MAPKBP1: variants seen among roughly 807,000 people sequenced by gnomAD.
MAPKBP1 encodes the protein mitogen-activated protein kinase-binding protein 1.
Under a neutral mutation model 170.5 loss-of-function variants are expected in MAPKBP1, and 71 were observed. The observed-to-expected ratio is 0.42, with a 90% CI of 0.34 to 0.51. The LOEUF (loss-of-function observed/expected upper bound fraction) is 0.51. MAPKBP1 is among the 20% of genes least tolerant of loss of function. The pLI is 0.06. For missense variants in MAPKBP1, 1,598 were observed against 1,933.0 expected (o/e 0.83, Z 3.25); for synonymous variants, 719 against 757.9 (o/e 0.95, Z 0.84).
intron 5 of MAPKBP1, chr15:41,811,468 G>A: frequency 1.4e-6 from 1 of 695,682 alleles, no homozygotes; most frequent in Non-Finnish European, 2.6e-6. Context: ...TGATTCTGTA[G>A]GTCTGGGATG....
At chr15:41,789,465 CTG>C (rs2064357674) in intron 2 of MAPKBP1, among the ~76,000 whole-genome samples, 1 of 152,168 alleles carries the variant, frequency 6.6e-6, no homozygotes, top group Admixed American at 6.5e-5. Flanking sequence ...GTGCTGATGA[CTG>C]TACTATTAAT....
chr15:41,775,761 A>G (rs1236823797), intron 2 of MAPKBP1, among the ~76,000 whole-genome samples: 2 of 152,226 alleles, frequency 1.3e-5, no homozygotes, highest in African/African-American at 4.8e-5. Context: ...ATGTAGCTGC[A>G]GGTGTTAACG....
intron 2 of MAPKBP1, among the ~76,000 whole-genome samples, chr15:41,776,996 G>A (rs886581867): frequency 1.3e-5 from 2 of 152,280 alleles, no homozygotes; most frequent in Middle Eastern, 3.4e-3. Flanking sequence ...GTATGTGTAC[G>A]TTGTTAATGG....
intron 2 of MAPKBP1, among the ~76,000 whole-genome samples, chr15:41,776,838 A>G (rs544290968): frequency 6.6e-6 from 1 of 152,338 alleles, no homozygotes; most frequent in African/African-American, 2.4e-5. Context: ...AATATCATCC[A>G]TTATTAATGC....
In MAPKBP1 at chr15:41,824,548, G is replaced by A. The variant is rs1466477958; in HGVS notation, c.4278G>A (p.Gln1426=). Residue 1426 remains glutamine (Q), a synonymous_variant, in exon 30 of 31, where the codon CAG becomes CAA. Coordinates refer to ENST00000457542, the MANE Select transcript of MAPKBP1 (RefSeq NM_014994.3). ...LVAELRGSVR[Q]AVRLYHSVAG... is the part of the protein sequence containing the mutation. ...CAGAGCTCCGCGGCAGCGTGCGCCA[G>A]GCAGTGCGGCTCTACCACTCGGTGG... 2 of 1,600,342 alleles carry A rather than the reference G, an allele frequency of 1.2e-6. No homozygotes were observed. The highest frequency in any genetic ancestry group is 1.3e-5 in the African/African-American group (1 of 74,818).
chr15:41,808,695 C>T (rs1320342946), intron 3 of MAPKBP1, among the ~76,000 whole-genome samples: 3 of 151,202 alleles, frequency 2.0e-5, no homozygotes, highest in Non-Finnish European at 2.9e-5. Context: ...AGCCTGATCT[C>T]GAACTCCTGA....
At position 41,818,353 on chromosome 15, in the gene MAPKBP1, CTGAG is replaced by C. The variant is rs1210282754; in HGVS notation, c.2092+54_2092+57del. Reference sequence around the variant, plus strand: ...AGTAGAAGCTGATACCTGCGTAAACCTGAGTGAGTTCCACCCCTGGAACTTCACT... The same window carrying C: ...AGTAGAAGCTGATACCTGCGTAAACCTGAGTTCCACCCCTGGAACTTCACT... On this transcript the variant is annotated intron_variant, in intron 18 of 30. Coordinates refer to ENST00000457542, the MANE Select transcript of MAPKBP1 (RefSeq NM_014994.3). The surrounding 1 kb of genome is among the most constrained non-coding windows in gnomAD (Gnocchi z 5.2). 1 of 1,520,324 alleles carries C rather than the reference CTGAG, an allele frequency of 6.6e-7. No individual in the cohort carries two copies. The allele number at this position is 1,520,324 out of a possible 1,614,324, so 94.2% of individuals were successfully genotyped here.
At position 41,818,700 on chromosome 15, in the gene MAPKBP1, G is replaced by C. The variant is rs1407774858; in HGVS notation, c.2156+118G>C. On this transcript the variant is annotated intron_variant, in intron 19 of 30. Transcript: ENST00000457542. This position sits in a 1 kb window ranked among gnomAD's most constrained non-coding sequence, Gnocchi z 5.2. Reference sequence around the variant, plus strand: ...AGTGGGGTTAACAGGGATAGCTTTTGGCTGTGCTTGACCTGAAGTGGAGGG... The same window carrying C: ...AGTGGGGTTAACAGGGATAGCTTTTCGCTGTGCTTGACCTGAAGTGGAGGG... 1.3e-6 allele frequency: 2 copies of C among 1,511,194 alleles called. No homozygotes were observed. Among genetic ancestry groups the C allele is most frequent in the Non-Finnish European group, 1.8e-6 (2 of 1,108,310 alleles). The allele number at this position is 1,511,194 out of a possible 1,614,324, so 93.6% of individuals were successfully genotyped here.
In MAPKBP1 at chr15:41,814,707, C is replaced by G; in HGVS notation, c.1138C>G (p.Leu380Val). ...PKKVGKVYSA[L>V]YHSSCVWSVE... ...GAAAGTGGGCAAGGTGTACTCGGCT[C>G]TGTATCATTCTTCCTGCGTCTGGAG... Residue 380 changes from leucine (L) to valine (V), a missense_variant, in exon 10 of 31, where the codon CTG becomes GTG. Physicochemically the swap from Leu to Val is conservative, Grantham distance 32. This residue lies in a region of MAPKBP1 where 430 missense variants were observed against 617.2 expected (regional missense o/e 0.70). Coordinates refer to ENST00000457542, the MANE Select transcript of MAPKBP1 (RefSeq NM_014994.3). 1.2e-6 allele frequency: 2 copies of G among 1,614,196 alleles called. No homozygotes were observed. Among genetic ancestry groups the G allele is most frequent in the Non-Finnish European group, 1.7e-6 (2 of 1,180,038 alleles).
In MAPKBP1 at chr15:41,827,848, T is replaced by G; in HGVS notation, c.*2412T>G. The G allele has an allele frequency of 2.4e-6, 1 of 419,178 alleles. No individual in the cohort carries two copies. The allele number at this position is 419,178 out of a possible 1,614,324, so 26.0% of individuals were successfully genotyped here. On this transcript the variant is annotated 3_prime_UTR_variant, in exon 31 of 31. Coordinates refer to ENST00000457542, the MANE Select transcript of MAPKBP1 (RefSeq NM_014994.3). ...ATGAACTTGTCAATAAACACAATTG[T>G]TTGTTAACCCTGGGATGCCGGCCAG...
intron 29 of MAPKBP1, 24 bp downstream of exon 29, chr15:41,824,085 A>G (rs751529222): frequency 6.4e-7 from 1 of 1,573,944 alleles, no homozygotes; most frequent in South Asian, 1.1e-5. Flanking sequence ...CCCAGCTCTC[A>G]TCTCCTGCCC....
chr15:41,777,751 G>A (rs1037881956), intron 2 of MAPKBP1, among the ~76,000 whole-genome samples: 2 of 152,210 alleles, frequency 1.3e-5, no homozygotes, highest in South Asian at 2.1e-4. Context: ...TAAGCTCTGT[G>A]AGTTGCTCTA....
intron 12 of MAPKBP1, chr15:41,816,279 G>A (rs1268825834): frequency 2.2e-6 from 1 of 459,538 alleles, no homozygotes; most frequent in Non-Finnish European, 3.9e-6. Context: ...AAAGGACATA[G>A]TAGGAAAACT....
At chr15:41,790,730 C>G (rs1042487350) in intron 2 of MAPKBP1, among the ~76,000 whole-genome samples, 2 of 152,138 alleles carry the variant, frequency 1.3e-5, no homozygotes, top group African/African-American at 4.8e-5. Context: ...TGGGTAGAGA[C>G]CAGGAGCAGA....
At chr15:41,795,729 C>T (rs1279803619) in intron 2 of MAPKBP1, among the ~76,000 whole-genome samples, 1 of 152,186 alleles carries the variant, frequency 6.6e-6, no homozygotes, top group Non-Finnish European at 1.5e-5. Flanking sequence ...GCCTCAGCCT[C>T]CCCAGCAGCT....
intron 7 of MAPKBP1, 52 bp from the exon 8 acceptor site, chr15:41,812,867 C>T: frequency 1.9e-6 from 3 of 1,541,428 alleles, no homozygotes; most frequent in South Asian, 2.5e-5. Flanking sequence ...GCCCAGTTTC[C>T]AGGGGCAGGC....
Position 41,817,951 on chromosome 15 carries a change from C to A in MAPKBP1, c.1905-58C>A. On this transcript the variant is annotated intron_variant, in intron 16 of 30. Transcript: ENST00000457542. The surrounding 1 kb of genome is among the most constrained non-coding windows in gnomAD (Gnocchi z 4.2). ...GGAGTGAAAGCTGGCATTTCCATCC[C>A]CCAGGCGTGTTCCACCTTCACCGCC... is the stretch of plus-strand genomic sequence containing the variant. 2 of 1,572,174 alleles carry A rather than the reference C, an allele frequency of 1.3e-6. No homozygotes were observed. The highest frequency in any genetic ancestry group is 1.1e-5 in the South Asian group (1 of 89,964).
At position 41,815,814 on chromosome 15, in the gene MAPKBP1, T is replaced by G. The variant is rs1244514613; in HGVS notation, c.1493+15T>G. 6.2e-7 allele frequency: 1 copy of G among 1,608,108 alleles called. No homozygotes were observed. The highest frequency in any genetic ancestry group is 1.7e-5 in the Admixed American group (1 of 59,906). On this transcript the variant is annotated intron_variant, in intron 12 of 30. Transcript: ENST00000457542. Reference sequence around the variant, plus strand: ...GGCACACTTAGGTAATGCCAGGCCCTGGGTGGGTACTGACTGCCTCTCATG... The same window carrying G: ...GGCACACTTAGGTAATGCCAGGCCCGGGGTGGGTACTGACTGCCTCTCATG...
chr15:41,817,972 C>T lies in MAPKBP1; in HGVS notation c.1905-37C>T, dbSNP rs1348978820. 5 of 1,599,978 alleles carry T rather than the reference C, an allele frequency of 3.1e-6. No individual in the cohort carries two copies. The African/African-American group carries it at 5.4e-5, about 17-fold the overall frequency. On this transcript the variant is annotated intron_variant, in intron 16 of 30. Coordinates refer to ENST00000457542, the MANE Select transcript of MAPKBP1 (RefSeq NM_014994.3). This position sits in a 1 kb window ranked among gnomAD's most constrained non-coding sequence, Gnocchi z 4.2. ...ATCCCCCAGGCGTGTTCCACCTTCACCGCCTCCTCATGAGAAAGAGACTAT... is the reference window on the plus strand; with the variant it reads ...ATCCCCCAGGCGTGTTCCACCTTCATCGCCTCCTCATGAGAAAGAGACTAT...
Sources: allele counts gnomAD v4.1 joint callset (sites outside exome capture counted in the v4.1 genomes callset), GRCh38; gene constraint gnomAD v4.1.1; regional missense constraint gnomAD v4.1.1; non-coding constraint Gnocchi (gnomAD v3.1); transcripts MANE v1.5; gene names NCBI Gene and HGNC (gene_info 2026-07-23, HGNC 2026-07-21).